SRCIN1: variants seen among roughly 807,000 people sequenced by gnomAD.
SRCIN1 encodes the protein SRC kinase signaling inhibitor 1, also known as P130Cas-associated protein.
A neutral mutation model predicts 116.2 loss-of-function variants in SRCIN1; 50 were observed. The observed-to-expected ratio is 0.43, with a 90% CI of 0.34 to 0.54. The LOEUF (loss-of-function observed/expected upper bound fraction) is 0.54. SRCIN1 is among the 20% of genes least tolerant of loss of function. SRCIN1 has a pLI of 0.02. For missense variants in SRCIN1, 1,446 were observed against 1,672.0 expected (o/e 0.86, Z 2.36); for synonymous variants, 736 against 750.0 (o/e 0.98, Z 0.30).
intron 1 of SRCIN1, among the ~76,000 whole-genome samples, chr17:38,603,236 A>C (rs1909165196): frequency 6.6e-6 from 1 of 152,066 alleles, no homozygotes; most frequent in African/African-American, 2.4e-5. Flanking sequence ...AGAGAGAGAG[A>C]GAGCGCGAGA....
Position 38,531,516 on chromosome 17 carries a change from T to C in SRCIN1, c.*1781A>G, listed in dbSNP as rs2040921769. 6.8e-6 allele frequency: 1 copy of C among 147,624 alleles called. No homozygotes were observed. Among genetic ancestry groups the C allele is most frequent in the African/African-American group, 2.5e-5 (1 of 40,730 alleles). 9.1% of individuals were successfully genotyped at this position (147,624 alleles called of 1,614,324 possible). The stretch of plus-strand genomic sequence containing the variant: ...CTTCACTTAAATGTAAAGAGTTGCC[T>C]GCAATTAAAAGTAATTGCATCATTT... On this transcript the variant is annotated 3_prime_UTR_variant, in exon 19 of 19. Transcript: ENST00000617146.
At chr17:38,600,724 G>A (rs1908974674) in intron 1 of SRCIN1, among the ~76,000 whole-genome samples, 1 of 152,210 alleles carries the variant, frequency 6.6e-6, no homozygotes, top group African/African-American at 2.4e-5. Flanking sequence ...GTGGGGTTCT[G>A]CACACCCCAT....
chr17:38,601,691 T>A (rs1422132069), intron 1 of SRCIN1, among the ~76,000 whole-genome samples: 1 of 151,710 alleles, frequency 6.6e-6, no homozygotes, highest in African/African-American at 2.4e-5. Context: ...CATCGCTAAG[T>A]GCTCTGCAGC....
intron 1 of SRCIN1, among the ~76,000 whole-genome samples, chr17:38,586,273 C>A (rs906175629): frequency 6.6e-6 from 1 of 152,272 alleles, no homozygotes; most frequent in East Asian, 1.9e-4. Context: ...CAGGGAGGAT[C>A]GAGGCCATCC....
In SRCIN1 at chr17:38,565,202, T is replaced by G. The variant is rs371763299; in HGVS notation, c.346-889A>C. ...CAACCGTACTTTAAGAGCCTACTTTTGGCTGAAACCTGGGGATGTCACTCA... is the reference window on the plus strand; with the variant it reads ...CAACCGTACTTTAAGAGCCTACTTTGGGCTGAAACCTGGGGATGTCACTCA... On this transcript the variant is annotated intron_variant, in intron 3 of 18. Coordinates refer to ENST00000617146, the MANE Select transcript of SRCIN1 (RefSeq NM_025248.3). 1.2e-3 allele frequency among the ~76,000 whole-genome samples: 184 copies of G among 152,322 alleles called. 5 individuals are homozygous for G. In the East Asian group the frequency reaches 0.029, roughly 24 times the overall value.
At chr17:38,583,985 G>A (rs1044007318) in intron 1 of SRCIN1, among the ~76,000 whole-genome samples, 4 of 152,116 alleles carry the variant, frequency 2.6e-5, no homozygotes, top group Non-Finnish European at 5.9e-5. Flanking sequence ...CCTCGGACCT[G>A]AGCAGCCCAG....
intron 14 of SRCIN1, 25 bp downstream of exon 14, chr17:38,551,861 C>T (rs1411317116): frequency 1.2e-6 from 2 of 1,612,838 alleles, no homozygotes; most frequent in Admixed American, 1.7e-5. Flanking sequence ...CTCATGGCCC[C>T]ACCCACAATC....
intron 1 of SRCIN1, among the ~76,000 whole-genome samples, chr17:38,595,230 G>A (rs532676055): frequency 6.6e-6 from 1 of 152,106 alleles, no homozygotes. Flanking sequence ...CCGCCGCCCC[G>A]ACCCCGAGAT....
At chr17:38,578,917 G>A (rs558459504) in intron 1 of SRCIN1, 126 bp from the exon 2 acceptor site, 1 of 1,132,336 alleles carries the variant, frequency 8.8e-7, no homozygotes, top group African/African-American at 1.6e-5. Context: ...GGCGCCCGGG[G>A]AGAGGCAGGG....
chr17:38,534,001 G>A (rs2040965124), intron 18 of SRCIN1, among the ~76,000 whole-genome samples: 1 of 152,162 alleles, frequency 6.6e-6, no homozygotes, highest in Admixed American at 6.5e-5. Context: ...CTGGAAATCT[G>A]AGAAGAAGGC....
chr17:38,579,451 T>C (rs1177126560), intron 1 of SRCIN1, among the ~76,000 whole-genome samples: 1 of 151,934 alleles, frequency 6.6e-6, no homozygotes, highest in Non-Finnish European at 1.5e-5. Context: ...TTCCCTTCCC[T>C]CCCCAGAGAC....
intron 1 of SRCIN1, among the ~76,000 whole-genome samples, chr17:38,605,069 G>A (rs973843909): frequency 6.6e-6 from 1 of 152,042 alleles, no homozygotes; most frequent in Non-Finnish European, 1.5e-5. Context: ...GAGGTGCGGG[G>A]AGGGGGGGTG....
rs757434522 is a variant in SRCIN1, at chr17:38,561,556, G to A, written c.1607C>T (p.Ala536Val). Residue 536 changes from alanine to valine, a missense_variant, in exon 7 of 19, where the codon GCC becomes GTC. Ala to Val is a moderately conservative substitution (Grantham distance 64). Transcript: ENST00000617146. ...KTRSAGSAST[A>V]GAPPSELFPG... ...GAAGAGCTCCGAAGGGGGAGCTCCG[G>A]CCGTCGAGGCGCTCCCCGCGCTGCG... 9.4e-6 allele frequency: 15 copies of A among 1,600,934 alleles called. No homozygotes were observed. The highest frequency in any genetic ancestry group is 1.3e-5 in the Non-Finnish European group (15 of 1,176,140).
chr17:38,581,896 C>T (rs921482134), intron 1 of SRCIN1, among the ~76,000 whole-genome samples: 3 of 152,214 alleles, frequency 2.0e-5, no homozygotes, highest in African/African-American at 7.2e-5. Flanking sequence ...AACCCCTGAC[C>T]TTCCTCCTCC....
At position 38,578,889 on chromosome 17, in the gene SRCIN1, G is replaced by A. The variant is rs902905528; in HGVS notation, c.23-98C>T. ...CCCTGCGGGAAGGGGCGGGGCCTGG[G>A]CCTAAGGAGAGTGGAGAGGCGCCCG... On this transcript the variant is annotated intron_variant, in intron 1 of 18. Transcript: ENST00000617146. 6 of 1,374,614 alleles carry A rather than the reference G, an allele frequency of 4.4e-6. No homozygotes were observed. The African/African-American group carries it at 9.0e-5, about 21-fold the overall frequency. The allele number at this position is 1,374,614 out of a possible 1,614,324, so 85.2% of individuals were successfully genotyped here.
At chr17:38,565,518 A>T (rs1906627164) in intron 3 of SRCIN1, among the ~76,000 whole-genome samples, 2 of 152,190 alleles carry the variant, frequency 1.3e-5, no homozygotes, top group African/African-American at 4.8e-5. Flanking sequence ...AGATTTCTCT[A>T]CAAAACGGTG....
Position 38,563,045 on chromosome 17 carries a change from C to A in SRCIN1, c.741-125G>T. The A allele has an allele frequency of 1.2e-6, 1 of 856,310 alleles. No homozygotes were observed. The highest frequency in any genetic ancestry group is 1.7e-5 in the African/African-American group (1 of 59,226). The allele number at this position is 856,310 out of a possible 1,614,324, so 53.0% of individuals were successfully genotyped here. On this transcript the variant is annotated intron_variant, in intron 5 of 18. Transcript: ENST00000617146. The surrounding 1 kb of genome is among the most constrained non-coding windows in gnomAD (Gnocchi z 5.8). ...GCACCGGGAGCCCCATCTCAGGCTG[C>A]CTGCACACACGCCCAGCAGCCTCCA...
chr17:38,558,285 C>A lies in SRCIN1; in HGVS notation c.2143G>T (p.Val715Leu), dbSNP rs1567862308. ...AGATAGCGCAGCCGTTCCTCTTCCA[C>A]CAGGGTGCGCTGCCGCTGCAGCGGG... ...EDPLQRQRTL[V>L]EEERLRYLND... Residue 715 changes from valine to leucine, a missense_variant, in exon 11 of 19, where the codon GTG (valine) becomes TTG (leucine). Physicochemically the swap from Val to Leu is conservative, Grantham distance 32 (BLOSUM62 1). Transcript: ENST00000617146. The surrounding 1 kb of genome is among the most constrained non-coding windows in gnomAD (Gnocchi z 4.6). 6.2e-7 allele frequency: 1 copy of A among 1,612,446 alleles called. No individual in the cohort carries two copies. The highest frequency in any genetic ancestry group is 1.7e-5 in the Admixed American group (1 of 60,016).
At chr17:38,575,089 T>G (rs968879873) in intron 2 of SRCIN1, 2 of 398,418 alleles carry the variant, frequency 5.0e-6, no homozygotes, top group African/African-American at 4.1e-5. Context: ...GAGCTCATAC[T>G]GCAGAGGGGT....
Sources: gnomAD v4.1 joint callset for allele counts (sites outside exome capture counted in the v4.1 genomes callset) on GRCh38, gnomAD v4.1.1 for gene constraint, Gnocchi (gnomAD v3.1) non-coding constraint, MANE v1.5 for transcripts, NCBI Gene and HGNC (gene_info 2026-07-23, HGNC 2026-07-21) for gene names.